TMIGD3: variants seen among roughly 807,000 people sequenced by gnomAD.
TMIGD3 encodes the protein transmembrane and immunoglobulin domain containing 3.
Under a neutral mutation model 28.1 loss-of-function variants are expected in TMIGD3, and 21 were observed. The ratio of observed to expected loss-of-function variants is 0.75; its 90% confidence interval spans 0.53 to 1.08. The LOEUF (loss-of-function observed/expected upper bound fraction) is 1.08. Ranked by LOEUF, TMIGD3 falls within the 50% of genes least tolerant of loss-of-function variation. The pLI is 0.00. For synonymous variants in TMIGD3, 151 were observed against 162.1 expected (o/e 0.93, Z 0.52); for missense variants, 416 against 435.6 (o/e 0.96, Z 0.40).
upstream of TMIGD3, among the ~76,000 whole-genome samples, chr1:111,506,407 C>T (rs1286165172): frequency 6.6e-6 from 1 of 152,228 alleles, no homozygotes; most frequent in Non-Finnish European, 1.5e-5. Context: ...AGCTTCTATT[C>T]ACAGACTCAT....
At chr1:111,520,781 A>T (rs1656031201) in intron 1 of TMIGD3, among the ~76,000 whole-genome samples, 1 of 152,180 alleles carries the variant, frequency 6.6e-6, no homozygotes, top group Non-Finnish European at 1.5e-5. Flanking sequence ...TGTTTCAGTT[A>T]TATGTTTGTG....
chr1:111,515,906 C>T (rs763758574), intron 1 of TMIGD3, among the ~76,000 whole-genome samples: 8 of 152,248 alleles, frequency 5.3e-5, no homozygotes, highest in Non-Finnish European at 1.2e-4. Flanking sequence ...GTCAGCACAG[C>T]CCCAGCCCAG....
intron 1 of TMIGD3, among the ~76,000 whole-genome samples, chr1:111,511,670 C>T (rs946802524): frequency 1.5e-5 from 2 of 135,830 alleles, no homozygotes; most frequent in African/African-American, 2.8e-5. Context: ...CAAATGGTGC[C>T]CTTTACACAC....
At chr1:111,484,567 G>T (rs1349867920) in intron 5 of TMIGD3, among the ~76,000 whole-genome samples, 2 of 152,162 alleles carry the variant, frequency 1.3e-5, no homozygotes, top group South Asian at 2.1e-4. Context: ...AGGACAAAAG[G>T]TCAAGAATGC....
At chr1:111,500,258 C>T in intron 1 of TMIGD3, 2 of 1,614,178 alleles carry the variant, frequency 1.2e-6, no homozygotes, top group Admixed American at 3.3e-5. Flanking sequence ...GCACCTGTCT[C>T]TTTGGAGTTA....
At chr1:111,510,955 AC>A (rs1438521619) in intron 1 of TMIGD3, among the ~76,000 whole-genome samples, 4 of 152,174 alleles carry the variant, frequency 2.6e-5, no homozygotes, top group Admixed American at 2.6e-4. Flanking sequence ...GTCTTTTAAT[AC>A]AGCACTCACG....
intron 5 of TMIGD3, among the ~76,000 whole-genome samples, 158 bp from the exon 6 acceptor site, chr1:111,483,915 AG>A (rs1380937746): frequency 1.3e-5 from 2 of 152,184 alleles, no homozygotes; most frequent in Non-Finnish European, 2.9e-5. Context: ...ATTACTGCAA[AG>A]CCCATCAGTA....
chr1:111,501,864 C>T (rs1413223166), intron 1 of TMIGD3, among the ~76,000 whole-genome samples: 3 of 151,630 alleles, frequency 2.0e-5, no homozygotes, highest in African/African-American at 4.9e-5. Flanking sequence ...AAACACGAGA[C>T]CAATGCAATT....
At chr1:111,542,002 G>T (rs1656845011) in intron 1 of TMIGD3, among the ~76,000 whole-genome samples, 1 of 151,962 alleles carries the variant, frequency 6.6e-6, no homozygotes, top group African/African-American at 2.4e-5. Context: ...GTGTCACCAG[G>T]AACACCATTC....
At chr1:111,563,488 C>T (rs916976060) in intron 1 of TMIGD3, among the ~76,000 whole-genome samples, 3 of 152,026 alleles carry the variant, frequency 2.0e-5, no homozygotes, top group African/African-American at 7.2e-5. Flanking sequence ...TCGGGAGAAA[C>T]GAGCCTGAGT....
chr1:111,548,279 C>G (rs1657112780), intron 1 of TMIGD3, among the ~76,000 whole-genome samples: 1 of 152,244 alleles, frequency 6.6e-6, no homozygotes, highest in Admixed American at 6.5e-5. Context: ...CCTCGGCCTC[C>G]CAAAGTGCTG....
At chr1:111,525,655 G>A (rs1483511527) in intron 1 of TMIGD3, among the ~76,000 whole-genome samples, 1 of 152,146 alleles carries the variant, frequency 6.6e-6, no homozygotes, top group Non-Finnish European at 1.5e-5. Context: ...TTGAGGTCAG[G>A]AGTTTGAGAC....
At chr1:111,513,547 C>T (rs1039678889) in intron 1 of TMIGD3, among the ~76,000 whole-genome samples, 3 of 152,156 alleles carry the variant, frequency 2.0e-5, no homozygotes, top group African/African-American at 7.2e-5. Flanking sequence ...GGCTGGGGAG[C>T]CAGGCTCTCC....
chr1:111,499,573 T>A, intron 1 of TMIGD3: 1 of 1,024,556 alleles, frequency 9.8e-7, no homozygotes, highest in Non-Finnish European at 1.2e-6. Context: ...TCCACAATGG[T>A]ATGGAAATGA....
intron 1 of TMIGD3, among the ~76,000 whole-genome samples, chr1:111,512,669 C>T (rs1655729552): frequency 6.6e-6 from 1 of 152,172 alleles, no homozygotes; most frequent in Admixed American, 6.5e-5. Context: ...CTATCAGAGC[C>T]ACTCCAGTGC....
chr1:111,519,229 G>A (rs767848934), intron 1 of TMIGD3, among the ~76,000 whole-genome samples: 9 of 152,110 alleles, frequency 5.9e-5, no homozygotes, highest in South Asian at 2.1e-4. Context: ...GTGAGCCACC[G>A]CAACCAGCCC....
chr1:111,547,527 T>A lies in TMIGD3; in HGVS notation c.107+16319A>T, dbSNP rs538722922. 6.6e-5 allele frequency among the ~76,000 whole-genome samples: 10 copies of A among 152,330 alleles called. No homozygotes were observed. The South Asian group carries it at 8.3e-4, about 13-fold the overall frequency. ...ACTAATTTCTCAACATTAAGCTCCATCAATTCAAGACACTTTTGTAAGTGA... is the reference window on the plus strand; with the variant it reads ...ACTAATTTCTCAACATTAAGCTCCAACAATTCAAGACACTTTTGTAAGTGA... On this transcript the variant is annotated intron_variant, in intron 1 of 5. Transcript: ENST00000369717.
At chr1:111,499,257 A>C (rs1655038008) in intron 1 of TMIGD3, among the ~76,000 whole-genome samples, 2 of 152,182 alleles carry the variant, frequency 1.3e-5, no homozygotes, top group African/African-American at 4.8e-5. Flanking sequence ...TGGTTCATAA[A>C]GCTGACAAAT....
At chr1:111,519,190 C>T (rs571332471) in intron 1 of TMIGD3, among the ~76,000 whole-genome samples, 17 of 152,292 alleles carry the variant, frequency 1.1e-4, no homozygotes, top group African/African-American at 3.8e-4. Flanking sequence ...CCATCCACCT[C>T]GGCCTCCCAA....
Sources: gnomAD v4.1 joint callset for allele counts (sites outside exome capture counted in the v4.1 genomes callset) on GRCh38, gnomAD v4.1.1 for gene constraint, MANE v1.5 for transcripts, NCBI Gene and HGNC (gene_info 2026-07-23, HGNC 2026-07-21) for gene names.